Variants in S100Z observed in about 807,000 individuals in gnomAD.
The protein encoded by S100Z is S100 calcium binding protein Z.
A neutral mutation model predicts 8.5 loss-of-function variants in S100Z; 11 were observed. The ratio of observed to expected loss-of-function variants is 1.30; its 90% confidence interval spans 0.82 to 2.15. S100Z has a LOEUF of 2.15. Among genes scored for constraint, S100Z ranks in the 30% most tolerant of loss-of-function variants. The pLI is 0.00. For synonymous variants in S100Z, 34 were observed against 43.8 expected, an observed-to-expected ratio of 0.78 and a Z score of 0.89; for missense variants, 126 against 117.9, an observed-to-expected ratio of 1.07 and a Z score of -0.32.
At chr5:76,855,981 G>T (rs1177078144) in intron 1 of S100Z, among the ~76,000 whole-genome samples, 1 of 152,170 alleles carries the variant, frequency 6.6e-6, no homozygotes, top group African/African-American at 2.4e-5. Flanking sequence ...ATGAAAGTGA[G>T]TGAATGAGCT....
At chr5:76,936,656 C>CACACAA in the S100Z span, among the ~76,000 whole-genome samples, 2 of 112,052 alleles carry the variant, frequency 1.8e-5, no homozygotes, top group South Asian at 2.9e-4. Context: ...CACACACACA[C>CACACAA]AACCATGAAG....
Position 76,883,728 on chromosome 5 carries a change from G to T in S100Z, c.*2+5894G>T, listed in dbSNP as rs370691596. Reference sequence around the variant, plus strand: ...AGTTCCAGGGGCTCCGGGAGTGGCTGCCAGGTGAGTTGGACAGTCCGATTT... The same window carrying T: ...AGTTCCAGGGGCTCCGGGAGTGGCTTCCAGGTGAGTTGGACAGTCCGATTT... On this transcript the variant is annotated intron_variant, in intron 4 of 4. Transcript: ENST00000317593. Among the ~76,000 whole-genome samples the T allele has an allele frequency of 1.2e-4, 19 of 152,322 alleles. No individual in the cohort carries two copies. In the South Asian group the frequency reaches 3.5e-3, roughly 28 times the overall value.
At chr5:76,944,599 G>T in the S100Z span, among the ~76,000 whole-genome samples, 1 of 152,154 alleles carries the variant, frequency 6.6e-6, no homozygotes, top group Non-Finnish European at 1.5e-5. Context: ...TCCCACCAAG[G>T]TGAGGTTAGG....
At chr5:76,875,656 C>CGTTT (rs2150640806) in intron 3 of S100Z, among the ~76,000 whole-genome samples, 156 bp downstream of exon 3, 1 of 152,226 alleles carries the variant, frequency 6.6e-6, no homozygotes, top group South Asian at 2.1e-4. Context: ...ACACTGGAGA[C>CGTTT]GTTTGTTTTC....
Position 76,921,614 on chromosome 5 carries a change from G to C in S100Z, c.*900G>C, listed in dbSNP as rs991310341. 18 of 152,200 alleles carry C rather than the reference G, an allele frequency of 1.2e-4. No individual in the cohort carries two copies. Among genetic ancestry groups the C allele is most frequent in the African/African-American group, 1.4e-4 (6 of 41,446 alleles). 9.4% of individuals were successfully genotyped at this position (152,200 alleles called of 1,614,324 possible). A position where few individuals can be genotyped will look rare whatever the true frequency, so the allele number is the denominator to read the frequency against. On this transcript the variant is annotated 3_prime_UTR_variant, in exon 5 of 5. Coordinates refer to ENST00000317593, the MANE Select transcript of S100Z (RefSeq NM_130772.4). The stretch of plus-strand genomic sequence containing the variant: ...GTCCTTTTACTTGAAGATTTTAAAA[G>C]GAAATGATTACAATAAATACCCAGA...
chr5:76,880,614 A>G (rs994693001), intron 4 of S100Z, among the ~76,000 whole-genome samples: 9 of 152,210 alleles, frequency 5.9e-5, no homozygotes, highest in African/African-American at 2.2e-4. Context: ...GAGAAACTAA[A>G]TGAAAGACAC....
intron 1 of S100Z, among the ~76,000 whole-genome samples, chr5:76,865,984 C>T (rs1751259834): frequency 1.3e-5 from 2 of 150,406 alleles, no homozygotes; most frequent in African/African-American, 2.4e-5. Context: ...CACTGCACTC[C>T]AGCCTGGGCG....
chr5:76,882,476 A>G (rs770490997), intron 4 of S100Z, among the ~76,000 whole-genome samples: 10 of 152,194 alleles, frequency 6.6e-5, no homozygotes, highest in Non-Finnish European at 1.0e-4. Context: ...AAAAGGATTT[A>G]GGATCTGTGG....
downstream of S100Z, among the ~76,000 whole-genome samples, chr5:76,923,642 G>T (rs1008224342): frequency 2.0e-5 from 3 of 152,236 alleles, no homozygotes; most frequent in East Asian, 5.8e-4. Flanking sequence ...ATCAGATTTT[G>T]CTTTGAGATG....
intron 4 of S100Z, among the ~76,000 whole-genome samples, chr5:76,912,834 GAGAC>G (rs1423048059): frequency 6.6e-6 from 1 of 151,860 alleles, no homozygotes; most frequent in Non-Finnish European, 1.5e-5. Flanking sequence ...AAGAGAGAAA[GAGAC>G]AGAAAGAGAG....
the S100Z span, among the ~76,000 whole-genome samples, chr5:76,951,953 AT>A: frequency 6.6e-6 from 1 of 152,204 alleles, no homozygotes; most frequent in South Asian, 2.1e-4. Flanking sequence ...AAAACTGAAA[AT>A]ATAGCCATTC....
intron 4 of S100Z, among the ~76,000 whole-genome samples, chr5:76,914,043 G>C (rs1744768205): frequency 6.6e-6 from 1 of 152,128 alleles, no homozygotes; most frequent in Non-Finnish European, 1.5e-5. Context: ...GCCACAGATG[G>C]TCTTACAAGT....
intron 4 of S100Z, among the ~76,000 whole-genome samples, chr5:76,890,933 G>C (rs1338177613): frequency 6.6e-6 from 1 of 152,182 alleles, no homozygotes; most frequent in African/African-American, 2.4e-5. Context: ...CACAGTCTCG[G>C]CTCACTGCAA....
chr5:76,926,849 T>A, the S100Z span, among the ~76,000 whole-genome samples: 1 of 152,220 alleles, frequency 6.6e-6, no homozygotes, highest in Non-Finnish European at 1.5e-5. Context: ...ACCATCTGAT[T>A]CATGATTTAT....
the S100Z span, among the ~76,000 whole-genome samples, chr5:76,943,351 G>A: frequency 1.3e-5 from 2 of 152,194 alleles, no homozygotes; most frequent in South Asian, 2.1e-4. Flanking sequence ...TATTGCATGA[G>A]AGAGAGAAAA....
chr5:76,874,035 T>TC (rs11414243), intron 2 of S100Z, among the ~76,000 whole-genome samples: 95,049 of 151,862 alleles, frequency 0.63, 29,994 homozygotes, highest in Admixed American at 0.66. Context: ...TTCTACCCTT[T>TC]CCCCCCTTAC....
chr5:76,891,159 G>A (rs1401248966), intron 4 of S100Z, among the ~76,000 whole-genome samples: 1 of 152,170 alleles, frequency 6.6e-6, no homozygotes, highest in Non-Finnish European at 1.5e-5. Flanking sequence ...CACCATGCCC[G>A]GCCCCCAGTT....
intron 4 of S100Z, among the ~76,000 whole-genome samples, chr5:76,886,132 T>G (rs565156582): frequency 8.1e-4 from 123 of 152,140 alleles, no homozygotes; most frequent in Admixed American, 1.6e-3. Flanking sequence ...AGAAAAGTGG[T>G]GCTTGCCGCT....
downstream of S100Z, among the ~76,000 whole-genome samples, chr5:76,924,740 T>C (rs1043655611): frequency 6.6e-5 from 10 of 152,026 alleles, no homozygotes; most frequent in Non-Finnish European, 1.5e-5. Flanking sequence ...TGAAACCCCA[T>C]CTCTACTAAA....
Sources: gnomAD v4.1 joint callset for allele counts (sites outside exome capture counted in the v4.1 genomes callset) on GRCh38, gnomAD v4.1.1 for gene constraint, MANE v1.5 for transcripts, NCBI Gene and HGNC (gene_info 2026-07-23, HGNC 2026-07-21) for gene names.